The following NMT2 variants were observed in gnomAD, a reference collection of about 807,000 sequenced individuals.
NMT2 encodes N-myristoyltransferase 2, also known as glycylpeptide N-tetradecanoyltransferase 2.
Under a neutral mutation model 65.4 loss-of-function variants are expected in NMT2, and 35 were observed. The observed-to-expected ratio is 0.54, with a 90% CI of 0.41 to 0.71. The LOEUF (loss-of-function observed/expected upper bound fraction) is 0.71, where lower values mean the gene tolerates loss of function less well. NMT2 is among the 30% of genes least tolerant of loss of function. The pLI, the probability that NMT2 is intolerant of heterozygous loss-of-function variation, is 0.00. For synonymous variants in NMT2, 226 were observed against 231.8 expected (o/e 0.98, Z 0.23); for missense variants, 489 against 611.3 (o/e 0.80, Z 2.11).
intron 3 of NMT2, among the ~76,000 whole-genome samples, chr10:15,134,741 G>A (rs1846414473): frequency 6.6e-6 from 1 of 152,156 alleles, no homozygotes; most frequent in African/African-American, 2.4e-5. Context: ...AGCACTTTGG[G>A]AGGCCAAGGC....
chr10:15,155,921 A>G (rs985537381), intron 1 of NMT2, among the ~76,000 whole-genome samples: 4 of 145,854 alleles, frequency 2.7e-5, no homozygotes, highest in Admixed American at 6.8e-5. Context: ...GCAGGCGGGG[A>G]CGCTGGCAAA....
intron 3 of NMT2, among the ~76,000 whole-genome samples, 182 bp downstream of exon 3, chr10:15,135,092 T>C (rs1216439208): frequency 2.6e-5 from 4 of 152,228 alleles, no homozygotes; most frequent in Non-Finnish European, 4.4e-5. Flanking sequence ...AATGTCACTA[T>C]CTAATATTTA....
Position 15,107,940 on chromosome 10 carries a change from TC to T in NMT2, c.*1254del, listed in dbSNP as rs1845362429. On this transcript the variant is annotated 3_prime_UTR_variant, in exon 12 of 12. Coordinates refer to ENST00000378165, the MANE Select transcript of NMT2 (RefSeq NM_004808.3). ...ATACTTATTTACAAATAAGACATTTTCCATTAGCATGACACATGACAGTTTT... is the reference window on the plus strand; with the variant it reads ...ATACTTATTTACAAATAAGACATTTTCATTAGCATGACACATGACAGTTTT... 1 of 985,476 alleles carries T rather than the reference TC, an allele frequency of 1.0e-6. No homozygotes were observed. Among genetic ancestry groups the T allele is most frequent in the African/African-American group, 1.7e-5 (1 of 57,230 alleles). The allele number at this position is 985,476 out of a possible 1,614,324, so 61.0% of individuals were successfully genotyped here.
In NMT2 at chr10:15,168,689, G is replaced by T. The variant is rs746976851; in HGVS notation, c.-77C>A. 2.7e-6 allele frequency: 3 copies of T among 1,111,546 alleles called. No homozygotes were observed. The highest frequency in any genetic ancestry group is 1.5e-5 in the South Asian group (1 of 65,920). The allele number at this position is 1,111,546 out of a possible 1,614,324, so 68.9% of individuals were successfully genotyped here. ...GCAGCTCCCTCTAGTGCCTCCCGCC[G>T]TACTGCTTGGAGTCGGAGCCCGGGC... On this transcript the variant is annotated 5_prime_UTR_variant, in exon 1 of 12. Coordinates refer to ENST00000378165, the MANE Select transcript of NMT2 (RefSeq NM_004808.3).
rs1208012758 is a variant in NMT2, at chr10:15,107,351, G to C, written c.*1844C>G. 1.1e-5 allele frequency: 11 copies of C among 985,274 alleles called. No homozygotes were observed. Among genetic ancestry groups the C allele is most frequent in the Non-Finnish European group, 1.2e-5 (10 of 829,900 alleles). The allele number at this position is 985,274 out of a possible 1,614,324, so 61.0% of individuals were successfully genotyped here. A position where few individuals can be genotyped will look rare whatever the true frequency, so the allele number is the denominator to read the frequency against. The stretch of plus-strand genomic sequence containing the variant: ...CCCTGCCTGGGATAAGATATGATTG[G>C]TTTCACTGGACTCATAACTTGAAGG... On this transcript the variant is annotated 3_prime_UTR_variant, in exon 12 of 12. Transcript: ENST00000378165.
intron 8 of NMT2, among the ~76,000 whole-genome samples, chr10:15,121,155 C>T (rs971571539): frequency 1.3e-5 from 2 of 152,076 alleles, no homozygotes; most frequent in East Asian, 1.9e-4. Flanking sequence ...CCTGATTTTT[C>T]CCCCCCTTGG....
At chr10:15,146,044 G>T (rs141581139) in intron 1 of NMT2, among the ~76,000 whole-genome samples, 1 of 152,314 alleles carries the variant, frequency 6.6e-6, no homozygotes, top group East Asian at 1.9e-4. Context: ...TGGAAATTCA[G>T]CCCTGCATAT....
chr10:15,153,234 AAC>A (rs772701401), intron 1 of NMT2, among the ~76,000 whole-genome samples: 9 of 152,240 alleles, frequency 5.9e-5, no homozygotes, highest in Non-Finnish European at 1.0e-4. Flanking sequence ...CAGCCTGGGT[AAC>A]ACAGTGAGAC....
intron 8 of NMT2, among the ~76,000 whole-genome samples, chr10:15,122,114 C>T (rs1291587072): frequency 6.6e-6 from 1 of 152,146 alleles, no homozygotes; most frequent in Non-Finnish European, 1.5e-5. Flanking sequence ...GCAGACTTAG[C>T]TTGATAAATT....
chr10:15,141,679 G>A, intron 1 of NMT2, 122 bp from the exon 2 acceptor site: 1 of 1,285,334 alleles, frequency 7.8e-7, no homozygotes, highest in Middle Eastern at 1.9e-4. Context: ...AAATAACTGT[G>A]TTAGGATGTA....
chr10:15,159,316 A>G (rs531124682), intron 1 of NMT2, among the ~76,000 whole-genome samples: 11 of 152,204 alleles, frequency 7.2e-5, no homozygotes, highest in Non-Finnish European at 1.5e-4. Flanking sequence ...TTGACTTTCT[A>G]TAATGTTTAA....
At chr10:15,119,212 C>G in intron 9 of NMT2, 131 bp downstream of exon 9, 1 of 804,810 alleles carries the variant, frequency 1.2e-6, no homozygotes, top group Non-Finnish European at 2.0e-6. Context: ...TATTAACTCT[C>G]TACCCTTTAG....
At chr10:15,151,656 G>A (rs928247015) in intron 1 of NMT2, among the ~76,000 whole-genome samples, 1 of 152,174 alleles carries the variant, frequency 6.6e-6, no homozygotes, top group Non-Finnish European at 1.5e-5. Context: ...AGACAAACAG[G>A]GACAGATCCG....
chr10:15,132,794 C>T, intron 6 of NMT2, 23 bp downstream of exon 6: 1 of 1,492,052 alleles, frequency 6.7e-7, no homozygotes, highest in Non-Finnish European at 9.2e-7. Context: ...ATAAAAACCG[C>T]ATGGACGAGC....
At chr10:15,145,613 C>T (rs1846935845) in intron 1 of NMT2, among the ~76,000 whole-genome samples, 1 of 152,198 alleles carries the variant, frequency 6.6e-6, no homozygotes, top group South Asian at 2.1e-4. Flanking sequence ...CTCCTGACCT[C>T]AAGTGATCCA....
At chr10:15,141,055 C>A in intron 2 of NMT2, 1 of 1,545,704 alleles carries the variant, frequency 6.5e-7, no homozygotes, top group Non-Finnish European at 8.7e-7. Flanking sequence ...GACAGACACC[C>A]AGAAAAATTA....
chr10:15,146,709 A>G (rs781392546), intron 1 of NMT2, among the ~76,000 whole-genome samples: 3 of 152,164 alleles, frequency 2.0e-5, no homozygotes, highest in Non-Finnish European at 4.4e-5. Flanking sequence ...TCCATGAATG[A>G]GAAGGGAACT....
intron 1 of NMT2, among the ~76,000 whole-genome samples, chr10:15,150,531 ATACT>A (rs1832767113): frequency 6.6e-6 from 1 of 152,158 alleles, no homozygotes; most frequent in South Asian, 2.1e-4. Flanking sequence ...GCTTCAACCC[ATACT>A]TAGTGTGCCC....
chr10:15,151,290 C>T (rs12256641), intron 1 of NMT2, among the ~76,000 whole-genome samples: 11,957 of 152,138 alleles, frequency 0.079, 1,218 homozygotes, highest in African/African-American at 0.24. Flanking sequence ...CTCCCGACCT[C>T]AGGTCATCTG....
Sources: allele counts gnomAD v4.1 joint callset (sites outside exome capture counted in the v4.1 genomes callset), GRCh38; gene constraint gnomAD v4.1.1; transcripts MANE v1.5; gene names NCBI Gene and HGNC (gene_info 2026-07-23, HGNC 2026-07-21).